The following ZDHHC15 variants were observed in gnomAD, a reference collection of about 807,000 sequenced individuals.
ZDHHC15 encodes palmitoyltransferase ZDHHC15.
In ZDHHC15, 19 loss-of-function variants were observed where a neutral mutation model predicts 31.7. The ratio of observed to expected loss-of-function variants is 0.60; its 90% CI spans 0.42 to 0.88. The LOEUF is 0.88. Ranked by LOEUF, ZDHHC15 falls within the 40% of genes least tolerant of loss-of-function variation. ZDHHC15 has a pLI of 0.00. For missense variants in ZDHHC15, 209 were observed against 251.2 expected, an observed-to-expected ratio of 0.83 and a Z score of 1.14; for synonymous variants, 103 against 90.0, an observed-to-expected ratio of 1.14 and a Z score of -0.82.
intron 1 of ZDHHC15, among the ~76,000 whole-genome samples, chrX:75,520,462 C>T (rs2085426860): frequency 9.0e-6 from 1 of 111,575 alleles, no homozygotes; most frequent in African/African-American, 3.3e-5. Flanking sequence ...GAACTTAGAA[C>T]ATTTTCTGGC....
intron 3 of ZDHHC15, among the ~76,000 whole-genome samples, chrX:75,463,887 A>G (rs1322257032): frequency 1.8e-5 from 2 of 112,041 alleles, no homozygotes; most frequent in Non-Finnish European, 3.8e-5. Context: ...CCATTCCTCA[A>G]GGATCTAGAA....
chrX:75,486,577 T>C (rs1439740998), intron 2 of ZDHHC15, among the ~76,000 whole-genome samples: 1 of 112,072 alleles, frequency 8.9e-6, no homozygotes, highest in Non-Finnish European at 1.9e-5. Flanking sequence ...CTGGGGAGGC[T>C]TGTAGCCTGG....
At chrX:75,459,972 T>C (rs2084285688) in intron 3 of ZDHHC15, among the ~76,000 whole-genome samples, 1 of 111,722 alleles carries the variant, frequency 9.0e-6, no homozygotes, top group Admixed American at 9.5e-5. Flanking sequence ...GCCTCCCAGG[T>C]TCAAGCGATT....
rs1252637987 is a variant in ZDHHC15 at position 75,370,626 on chromosome X, G to A, written c.*2352C>T. On this transcript the variant is annotated 3_prime_UTR_variant, in exon 12 of 12. Coordinates refer to ENST00000373367, the MANE Select transcript of ZDHHC15 (RefSeq NM_144969.3). ...AGCTCACCACAACCTCTACCTCCCA[G>A]GTTCAAGCGATTCTCCTGCCTCAGC... 9.4e-6 allele frequency: 1 copy of A among 106,776 alleles called. No homozygotes were observed. Among genetic ancestry groups the A allele is most frequent in the African/African-American group, 3.5e-5 (1 of 28,208 alleles). The allele number at this position is 106,776 out of a possible 1,213,427, so 8.8% of individuals were successfully genotyped here. A position where few individuals can be genotyped will look rare whatever the true frequency, so the allele number is the denominator to read the frequency against.
chrX:75,385,727 A>T (rs1231759574), intron 10 of ZDHHC15, among the ~76,000 whole-genome samples: 1 of 111,201 alleles, frequency 9.0e-6, no homozygotes, highest in South Asian at 3.8e-4. Context: ...TGGCCTCTGC[A>T]TTCCTTGCCA....
chrX:75,369,315 A>ATGTGTGTGTGTG lies in ZDHHC15; in HGVS notation c.*3651_*3662dup, dbSNP rs58983071. ...GCAGCCTGCTTTGGAGAAAATGTGT[A>ATGTGTGTGTGTG]TGTGTGTGTGTGTGTGTGTGTGTGT... is the stretch of plus-strand genomic sequence containing the variant. On this transcript the variant is annotated 3_prime_UTR_variant, in exon 12 of 12. Coordinates refer to ENST00000373367, the MANE Select transcript of ZDHHC15 (RefSeq NM_144969.3). 5 of 102,950 alleles carry ATGTGTGTGTGTG rather than the reference A, an allele frequency of 4.9e-5. No homozygotes were observed. The highest frequency in any genetic ancestry group is 1.8e-4 in the African/African-American group (5 of 28,223). The allele number at this position is 102,950 out of a possible 1,213,427, so 8.5% of individuals were successfully genotyped here.
At chrX:75,436,601 A>G (rs2083855077) in intron 4 of ZDHHC15, among the ~76,000 whole-genome samples, 1 of 112,391 alleles carries the variant, frequency 8.9e-6, no homozygotes, top group African/African-American at 3.2e-5. Flanking sequence ...CTCAACAATC[A>G]TTCATGAGTA....
At chrX:75,489,284 G>C (rs1041609491) in intron 2 of ZDHHC15, among the ~76,000 whole-genome samples, 4 of 112,142 alleles carry the variant, frequency 3.6e-5, no homozygotes, top group African/African-American at 1.3e-4. Flanking sequence ...AGAACGGACA[G>C]ACTGCCTCCT....
chrX:75,491,170 T>C (rs192513988), intron 2 of ZDHHC15, among the ~76,000 whole-genome samples: 2 of 110,864 alleles, frequency 1.8e-5, no homozygotes, highest in Non-Finnish European at 3.8e-5. Context: ...TAAAGACACA[T>C]GAAAATGGAT....
chrX:75,460,480 G>A (rs2084295452), intron 3 of ZDHHC15, among the ~76,000 whole-genome samples: 1 of 111,008 alleles, frequency 9.0e-6, no homozygotes, highest in Non-Finnish European at 1.9e-5. Context: ...CACTCCTCCT[G>A]ACTGGGTGAA....
chrX:75,455,630 C>T (rs1365457524), intron 3 of ZDHHC15, among the ~76,000 whole-genome samples: 2 of 111,741 alleles, frequency 1.8e-5, no homozygotes, highest in Non-Finnish European at 3.8e-5. Flanking sequence ...TGACAATGGG[C>T]TAATATCCAG....
At chrX:75,447,322 G>T (rs772022545) in intron 4 of ZDHHC15, among the ~76,000 whole-genome samples, 2 of 112,460 alleles carry the variant, frequency 1.8e-5, no homozygotes, top group East Asian at 5.6e-4. Flanking sequence ...CCTGCATGCT[G>T]CACTTCTGCC....
Position 75,503,298 on chromosome X carries a change from G to C in ZDHHC15, c.163+2523C>G, listed in dbSNP as rs149113088. On this transcript the variant is annotated intron_variant, in intron 2 of 11. Transcript: ENST00000373367. ...CAATATATTTTACTTCTTTGGTTCT[G>C]AATTGTTCTCCCTATAAAATACAAA... Among the ~76,000 whole-genome samples the C allele has an allele frequency of 8.0e-3, 883 of 110,504 alleles. 11 individuals carry two copies. Among genetic ancestry groups the C allele is most frequent in the African/African-American group, 0.027 (812 of 30,564 alleles).
At chrX:75,510,436 T>C (rs2085243467) in intron 1 of ZDHHC15, among the ~76,000 whole-genome samples, 1 of 108,016 alleles carries the variant, frequency 9.3e-6, no homozygotes, top group Non-Finnish European at 1.9e-5. Flanking sequence ...TGGATACTTT[T>C]ACCTCTATAG....
In ZDHHC15 at chrX:75,491,623, A is replaced by G. The variant is rs750189813; in HGVS notation, c.164-12638T>C. On this transcript the variant is annotated intron_variant, in intron 2 of 11. Coordinates refer to ENST00000373367, the MANE Select transcript of ZDHHC15 (RefSeq NM_144969.3). ...ACGTGTACCTTAAAACTTAAAGTAT[A>G]ATAATAATAAAATAAAAGAAAAAAA... is the stretch of plus-strand genomic sequence containing the variant. 9.0e-5 allele frequency among the ~76,000 whole-genome samples: 10 copies of G among 110,758 alleles called. No homozygotes were observed. In the South Asian group the frequency reaches 3.9e-3, roughly 43 times the overall value.
intron 7 of ZDHHC15, 31 bp from the exon 8 acceptor site, chrX:75,424,815 T>C: frequency 8.6e-7 from 1 of 1,162,566 alleles, no homozygotes; most frequent in Non-Finnish European, 1.1e-6. Context: ...AAGCAAAAGA[T>C]TAAAGTGGAA....
intron 10 of ZDHHC15, among the ~76,000 whole-genome samples, chrX:75,398,102 G>T (rs1189538077): frequency 8.9e-6 from 1 of 112,093 alleles, no homozygotes; most frequent in Non-Finnish European, 1.9e-5. Flanking sequence ...ACAGCCCACA[G>T]GCCTCACTTC....
At chrX:75,414,040 A>G in intron 10 of ZDHHC15, among the ~76,000 whole-genome samples, 1 of 112,060 alleles carries the variant, frequency 8.9e-6, no homozygotes, top group East Asian at 2.8e-4. Context: ...AATTTTCATT[A>G]TGTAAGCTAC....
At chrX:75,453,433 G>A (rs2084158602) in intron 3 of ZDHHC15, among the ~76,000 whole-genome samples, 1 of 111,307 alleles carries the variant, frequency 9.0e-6, no homozygotes, top group Non-Finnish European at 1.9e-5. Context: ...AGGACCAGAT[G>A]GATTCACAGC....
Sources: allele counts gnomAD v4.1 joint callset (sites outside exome capture counted in the v4.1 genomes callset), GRCh38; gene constraint gnomAD v4.1.1; transcripts MANE v1.5; gene names NCBI Gene and HGNC (gene_info 2026-07-23, HGNC 2026-07-21).